TTLL7: variants seen among roughly 807,000 people sequenced by gnomAD.
TTLL7 encodes the protein tubulin tyrosine ligase like 7.
A neutral mutation model predicts 120.2 loss-of-function variants in TTLL7; 53 were observed. The observed-to-expected ratio is 0.44, with a 90% CI of 0.35 to 0.55. TTLL7 has a LOEUF of 0.55. Ranked by LOEUF, TTLL7 falls within the 20% of genes least tolerant of loss-of-function variation. The probability of loss-of-function intolerance (pLI) is 0.00; values close to 1 mark genes in which losing one functional copy is unlikely to be tolerated. For missense variants in TTLL7, 803 were observed against 1,054.7 expected (o/e 0.76, Z 3.31); for synonymous variants, 353 against 351.7 (o/e 1.00, Z -0.04).
At chr1:83,966,120 T>C (rs1427001947) in intron 1 of TTLL7, among the ~76,000 whole-genome samples, 1 of 152,094 alleles carries the variant, frequency 6.6e-6, no homozygotes, top group East Asian at 1.9e-4. Context: ...TCAGTAAACT[T>C]TGACAAAAGC....
intron 17 of TTLL7, among the ~76,000 whole-genome samples, chr1:83,906,079 CTT>C (rs1399738390): frequency 1.3e-5 from 2 of 151,934 alleles, no homozygotes; most frequent in South Asian, 2.1e-4. Flanking sequence ...ATGAAGCAGA[CTT>C]ATCATTAAAA....
chr1:83,931,349 T>C (rs894046437), intron 9 of TTLL7, among the ~76,000 whole-genome samples: 17 of 152,112 alleles, frequency 1.1e-4, no homozygotes, highest in African/African-American at 4.1e-4. Context: ...CCTAAGTTAG[T>C]GCTGTTCCCT....
At chr1:83,880,529 T>A (rs1654351267) in intron 20 of TTLL7, among the ~76,000 whole-genome samples, 1 of 152,042 alleles carries the variant, frequency 6.6e-6, no homozygotes, top group African/African-American at 2.4e-5. Context: ...TAGGTGTTTT[T>A]AACAAAAGAA....
At chr1:83,974,797 T>C (rs138403916) in intron 1 of TTLL7, among the ~76,000 whole-genome samples, 53 of 152,216 alleles carry the variant, frequency 3.5e-4, no homozygotes, top group African/African-American at 1.2e-3. Context: ...CTTTGTCAAA[T>C]TGACCTATTA....
At chr1:83,911,419 TATG>T in intron 14 of TTLL7, 56 bp from the exon 15 acceptor site, 1 of 1,363,620 alleles carries the variant, frequency 7.3e-7, no homozygotes, top group Non-Finnish European at 1.0e-6. Context: ...GGTTTATTGA[TATG>T]ATTAGTTACT....
chr1:83,962,694 G>T (rs1650115695), intron 1 of TTLL7, among the ~76,000 whole-genome samples: 1 of 152,096 alleles, frequency 6.6e-6, no homozygotes, highest in Non-Finnish European at 1.5e-5. Flanking sequence ...AGTGTAAGCA[G>T]AAGTTGTTGA....
chr1:83,895,147 C>T (rs1656102848), intron 18 of TTLL7, among the ~76,000 whole-genome samples: 1 of 152,046 alleles, frequency 6.6e-6, no homozygotes, highest in African/African-American at 2.4e-5. Context: ...TTAGCAAGCA[C>T]CTTATTTTAT....
At chr1:83,994,915 G>A (rs1653344296) in intron 1 of TTLL7, among the ~76,000 whole-genome samples, 1 of 152,192 alleles carries the variant, frequency 6.6e-6, no homozygotes, top group South Asian at 2.1e-4. Context: ...AGATAGATAT[G>A]TGTGTTGTGG....
intron 1 of TTLL7, among the ~76,000 whole-genome samples, chr1:83,968,062 C>G (rs12730621): frequency 0.48 from 72,288 of 151,816 alleles, 18,316 homozygotes; most frequent in Non-Finnish European, 0.57. Flanking sequence ...AGTTCTACCA[C>G]AGTTGGCAAG....
At chr1:83,943,102 A>C (rs1043142048) in intron 6 of TTLL7, among the ~76,000 whole-genome samples, 11 of 152,172 alleles carry the variant, frequency 7.2e-5, no homozygotes, top group Non-Finnish European at 1.5e-4. Context: ...GCTTGCTTTT[A>C]GCTTGCCTAA....
intron 18 of TTLL7, among the ~76,000 whole-genome samples, chr1:83,893,350 G>T (rs759677060): frequency 6.6e-6 from 1 of 151,732 alleles, no homozygotes; most frequent in East Asian, 1.9e-4. Context: ...TGCAATGTAG[G>T]TATTTCCAAC....
At chr1:83,921,813 G>A (rs1658696678) in intron 10 of TTLL7, among the ~76,000 whole-genome samples, 1 of 152,052 alleles carries the variant, frequency 6.6e-6, no homozygotes, top group Non-Finnish European at 1.5e-5. Flanking sequence ...TACTTAATAT[G>A]TAATGGTTCT....
At chr1:83,882,812 TA>T in intron 20 of TTLL7, 150 bp downstream of exon 20, 1 of 780,414 alleles carries the variant, frequency 1.3e-6, no homozygotes, top group Admixed American at 2.9e-5. Context: ...CTGTACTAAT[TA>T]AAAATATTTT....
At chr1:83,879,623 T>C (rs1654264602) in intron 20 of TTLL7, among the ~76,000 whole-genome samples, 1 of 152,050 alleles carries the variant, frequency 6.6e-6, no homozygotes, top group African/African-American at 2.4e-5. Flanking sequence ...CCATGTCCCC[T>C]AATGTAACTT....
chr1:83,889,066 T>C (rs759586540), intron 19 of TTLL7, among the ~76,000 whole-genome samples: 40 of 152,034 alleles, frequency 2.6e-4, no homozygotes, highest in African/African-American at 4.8e-5. Context: ...GACTGGGTAA[T>C]TTACAAAGGA....
chr1:83,918,842 G>A (rs1658406666), intron 13 of TTLL7, among the ~76,000 whole-genome samples: 1 of 152,082 alleles, frequency 6.6e-6, no homozygotes, highest in Non-Finnish European at 1.5e-5. Context: ...TCTTCTTTGG[G>A]GTCATCTGTC....
intron 13 of TTLL7, among the ~76,000 whole-genome samples, chr1:83,918,180 T>G (rs1658349973): frequency 6.6e-6 from 1 of 152,142 alleles, no homozygotes; most frequent in African/African-American, 2.4e-5. Flanking sequence ...TTAATGAAAC[T>G]CTTTCAAAAT....
rs1649138906 is a variant in TTLL7 at position 83,952,327 on chromosome 1, C to T, written c.-116G>A. 9.5e-7 allele frequency: 1 copy of T among 1,055,816 alleles called. No homozygotes were observed. The highest frequency in any genetic ancestry group is 1.4e-6 in the Non-Finnish European group (1 of 727,182). 65.4% of individuals were successfully genotyped at this position (1,055,816 alleles called of 1,614,324 possible). On this transcript the variant is annotated 5_prime_UTR_variant, in exon 2 of 21. The change abolishes an upstream ATG in the 5' untranslated region. Coordinates refer to ENST00000260505, the MANE Select transcript of TTLL7 (RefSeq NM_024686.6). ...GCCCCAAATCACTGAAAGTTCTTAT[C>T]ATATTATCTTGGTGGAATCCTCAGA...
intron 6 of TTLL7, among the ~76,000 whole-genome samples, chr1:83,946,801 C>T (rs1247643434): frequency 6.6e-6 from 1 of 152,164 alleles, no homozygotes; most frequent in Non-Finnish European, 1.5e-5. Context: ...TGATTTTACT[C>T]TCCAAGCCTA....
Sources: gnomAD v4.1 joint callset for allele counts (sites outside exome capture counted in the v4.1 genomes callset) on GRCh38, gnomAD v4.1.1 for gene constraint, MANE v1.5 for transcripts, NCBI Gene and HGNC (gene_info 2026-07-23, HGNC 2026-07-21) for gene names.